The following PTK2 variants were observed in gnomAD, a reference collection of about 807,000 sequenced individuals.
The protein encoded by PTK2 is protein tyrosine kinase 2.
PTK2 carries 45 observed loss-of-function variants against 150.1 expected under a neutral mutation model. The observed-to-expected ratio is 0.30, with a 90% CI of 0.24 to 0.38. The LOEUF is 0.38. Among genes scored for constraint, PTK2 ranks in the 10% least tolerant of loss-of-function variants. The pLI is 1.00. For synonymous variants in PTK2, 432 were observed against 449.2 expected, an observed-to-expected ratio of 0.96 and a Z score of 0.48; for missense variants, 919 against 1,307.3, an observed-to-expected ratio of 0.70 and a Z score of 4.58.
At chr8:140,669,300 G>GATATATATATATATATAT (rs2094200424) in intron 29 of PTK2, 1 of 39,944 alleles carries the variant, frequency 2.5e-5, no homozygotes, top group Non-Finnish European at 4.0e-5. Context: ...AGCATAAAAT[G>GATATATATATATATATAT]GTATATATAT....
At chr8:140,710,232 A>T (rs1375788043) in intron 23 of PTK2, among the ~76,000 whole-genome samples, 1 of 151,656 alleles carries the variant, frequency 6.6e-6, no homozygotes, top group Non-Finnish European at 1.5e-5. Flanking sequence ...CAGGAGGCAG[A>T]GGCTGGAGAA....
At chr8:140,757,534 C>A (rs542496480) in intron 16 of PTK2, among the ~76,000 whole-genome samples, 5 of 152,162 alleles carry the variant, frequency 3.3e-5, no homozygotes, top group Admixed American at 1.3e-4. Context: ...TTAAAAAAAA[C>A]CCTTTTATAA....
intron 22 of PTK2, among the ~76,000 whole-genome samples, chr8:140,732,853 C>A (rs1180606578): frequency 2.6e-5 from 4 of 151,984 alleles, no homozygotes; most frequent in African/African-American, 9.7e-5. Flanking sequence ...AGACCCAGTG[C>A]GTGAAAGAAG....
chr8:140,875,752 T>TC (rs777049661), intron 4 of PTK2, among the ~76,000 whole-genome samples: 4 of 152,240 alleles, frequency 2.6e-5, no homozygotes, highest in Non-Finnish European at 5.9e-5. Flanking sequence ...CTAATTTGTT[T>TC]CTCAGTTTCC....
intron 27 of PTK2, among the ~76,000 whole-genome samples, chr8:140,684,748 T>C (rs1365683722): frequency 2.6e-5 from 4 of 152,152 alleles, no homozygotes; most frequent in African/African-American, 7.2e-5. Flanking sequence ...TGCTCATGGA[T>C]AGGAAGAACT....
chr8:140,848,954 A>G (rs1027293658), intron 5 of PTK2, among the ~76,000 whole-genome samples: 5 of 152,320 alleles, frequency 3.3e-5, no homozygotes, highest in Non-Finnish European at 5.9e-5. Flanking sequence ...CACAATTTTT[A>G]AACACTATTC....
intron 15 of PTK2, among the ~76,000 whole-genome samples, chr8:140,763,416 C>A (rs921316953): frequency 6.6e-6 from 1 of 151,852 alleles, no homozygotes; most frequent in African/African-American, 2.4e-5. Context: ...TCTAAGACTT[C>A]TGAAGACTCT....
intron 12 of PTK2, among the ~76,000 whole-genome samples, chr8:140,794,486 T>G (rs1303352035): frequency 6.6e-6 from 1 of 152,194 alleles, no homozygotes; most frequent in Non-Finnish European, 1.5e-5. Flanking sequence ...TTCATTCTAA[T>G]CAGTTCCCCC....
intron 15 of PTK2, among the ~76,000 whole-genome samples, chr8:140,763,903 A>G (rs892723021): frequency 1.6e-4 from 24 of 152,290 alleles, no homozygotes; most frequent in African/African-American, 4.8e-4. Flanking sequence ...ATATACACAC[A>G]CATTCACATA....
At chr8:140,971,550 A>G (rs1272950835) in intron 1 of PTK2, among the ~76,000 whole-genome samples, 1 of 152,190 alleles carries the variant, frequency 6.6e-6, no homozygotes, top group Admixed American at 6.5e-5. Flanking sequence ...GTTACCAAAC[A>G]CTGAATAGCT....
At chr8:140,995,337 C>T (rs1411866598) in intron 1 of PTK2, among the ~76,000 whole-genome samples, 1 of 146,114 alleles carries the variant, frequency 6.8e-6, no homozygotes, top group Non-Finnish European at 1.5e-5. Context: ...GAGCCGAGAT[C>T]GCACCACTGC....
At chr8:140,931,969 T>C (rs1249340576) in intron 1 of PTK2, among the ~76,000 whole-genome samples, 1 of 150,872 alleles carries the variant, frequency 6.6e-6, no homozygotes, top group African/African-American at 2.4e-5. Flanking sequence ...CATTAAATTA[T>C]TGTTTATCTT....
intron 1 of PTK2, among the ~76,000 whole-genome samples, chr8:140,946,104 A>T (rs1477019806): frequency 2.0e-5 from 3 of 152,166 alleles, no homozygotes; most frequent in Non-Finnish European, 4.4e-5. Flanking sequence ...GGGTGTGTCT[A>T]GGGGGTGAAG....
chr8:140,954,365 C>T (rs988342662), intron 1 of PTK2, among the ~76,000 whole-genome samples: 16 of 152,226 alleles, frequency 1.1e-4, no homozygotes, highest in African/African-American at 1.4e-4. Flanking sequence ...CCACTGTGTC[C>T]GGCCGTAACT....
chr8:140,893,286 G>A (rs547763724), intron 2 of PTK2, among the ~76,000 whole-genome samples: 14 of 152,290 alleles, frequency 9.2e-5, no homozygotes, highest in Admixed American at 6.5e-4. Flanking sequence ...ACTCCAGCTT[G>A]GGCGACAGAA....
At chr8:140,880,219 A>G (rs952843185) in intron 3 of PTK2, among the ~76,000 whole-genome samples, 5 of 152,360 alleles carry the variant, frequency 3.3e-5, no homozygotes, top group African/African-American at 1.2e-4. Context: ...CTCTTTAAAA[A>G]TTATTATGAA....
At chr8:140,808,660 T>C (rs2100099546) in intron 10 of PTK2, among the ~76,000 whole-genome samples, 2 of 151,938 alleles carry the variant, frequency 1.3e-5, no homozygotes, top group South Asian at 2.1e-4. Flanking sequence ...CCAGGGCTAC[T>C]TGAAACTTAA....
intron 27 of PTK2, among the ~76,000 whole-genome samples, chr8:140,680,101 C>T (rs754214295): frequency 6.6e-5 from 10 of 152,116 alleles, no homozygotes; most frequent in South Asian, 2.1e-4. Context: ...AAGAGTGATG[C>T]GACACAGTAC....
At chr8:140,804,848 A>C (rs538187853) in intron 10 of PTK2, among the ~76,000 whole-genome samples, 2 of 152,226 alleles carry the variant, frequency 1.3e-5, no homozygotes, top group Admixed American at 1.3e-4. Context: ...GCAGCCCTCC[A>C]TTCTCTGGTC....
Sources: allele counts gnomAD v4.1 joint callset (sites outside exome capture counted in the v4.1 genomes callset), GRCh38; gene constraint gnomAD v4.1.1; transcripts MANE v1.5; gene names NCBI Gene and HGNC (gene_info 2026-07-23, HGNC 2026-07-21).